Variants in TRDN observed in about 807,000 individuals in gnomAD.
The protein encoded by TRDN is triadin.
In TRDN, 161 loss-of-function variants were observed where a neutral mutation model predicts 149.7. The observed-to-expected ratio is 1.08, with a 90% confidence interval of 0.95 to 1.23. The LOEUF is 1.23. TRDN is among the 50% of genes most tolerant of loss of function. The pLI is 0.00. For synonymous variants in TRDN, 294 were observed against 250.5 expected (o/e 1.17, Z -1.64); for missense variants, 896 against 823.5 (o/e 1.09, Z -1.08).
chr6:123,361,356 A>G (rs1780893789), intron 20 of TRDN, among the ~76,000 whole-genome samples: 1 of 152,096 alleles, frequency 6.6e-6, no homozygotes, highest in South Asian at 2.1e-4. Flanking sequence ...GGAACATCAC[A>G]CACTGGGGCC....
chr6:123,582,697 G>A (rs753629812), intron 1 of TRDN, among the ~76,000 whole-genome samples: 16 of 152,122 alleles, frequency 1.1e-4, no homozygotes, highest in South Asian at 4.1e-4. Flanking sequence ...TGCAGGTCAC[G>A]GGATATGATG....
At chr6:123,526,857 T>TA (rs2114316878) in intron 5 of TRDN, among the ~76,000 whole-genome samples, 1 of 152,026 alleles carries the variant, frequency 6.6e-6, no homozygotes, top group African/African-American at 2.4e-5. Flanking sequence ...GGAATTCAGA[T>TA]AAGAAAACTG....
At chr6:123,356,524 T>TATATATATAC (rs1780688522) in intron 20 of TRDN, among the ~76,000 whole-genome samples, 1 of 77,538 alleles carries the variant, frequency 1.3e-5, no homozygotes, top group South Asian at 7.9e-4. Flanking sequence ...TATATATATA[T>TATATATATAC]ATATATATAT....
chr6:123,554,186 T>G (rs955303735), intron 2 of TRDN, among the ~76,000 whole-genome samples: 2 of 150,518 alleles, frequency 1.3e-5, no homozygotes, highest in African/African-American at 4.9e-5. Context: ...GAGGTAAAGG[T>G]TTTTTTTTAA....
intron 38 of TRDN, among the ~76,000 whole-genome samples, chr6:123,251,193 A>ATTACAG (rs753915809): frequency 2.0e-3 from 306 of 152,182 alleles, no homozygotes; most frequent in Non-Finnish European, 3.4e-3. Flanking sequence ...TCCTGAAGCA[A>ATTACAG]GTCTATGATC....
intron 24 of TRDN, among the ~76,000 whole-genome samples, chr6:123,305,860 G>A (rs757953304): frequency 3.9e-5 from 6 of 152,070 alleles, no homozygotes; most frequent in Non-Finnish European, 8.8e-5. Flanking sequence ...TGTTCAAATT[G>A]TACTGGTAAT....
chr6:123,585,293 A>AC (rs774015245), intron 1 of TRDN, among the ~76,000 whole-genome samples: 388 of 151,878 alleles, frequency 2.6e-3, no homozygotes, highest in South Asian at 6.9e-3. Context: ...GGTGGGGATA[A>AC]TTAAAAGGAG....
chr6:123,612,423 T>A (rs115762397), intron 1 of TRDN, among the ~76,000 whole-genome samples: 8,036 of 150,868 alleles, frequency 0.053, 724 homozygotes, highest in African/African-American at 0.18. Context: ...AATAAAATTT[T>A]AAAAAAAGGA....
At chr6:123,381,722 C>T (rs1005206735) in intron 15 of TRDN, among the ~76,000 whole-genome samples, 1 of 151,920 alleles carries the variant, frequency 6.6e-6, no homozygotes, top group Non-Finnish European at 1.5e-5. Context: ...GGTATACTTG[C>T]CAAATGAATT....
intron 12 of TRDN, among the ~76,000 whole-genome samples, chr6:123,425,763 A>T (rs1012270495): frequency 6.6e-6 from 1 of 152,082 alleles, no homozygotes; most frequent in Non-Finnish European, 1.5e-5. Context: ...CCGGAAGGAG[A>T]ATGTAGACAA....
intron 5 of TRDN, among the ~76,000 whole-genome samples, 199 bp from the exon 6 acceptor site, chr6:123,516,405 C>A (rs552217755): frequency 2.0e-5 from 3 of 152,094 alleles, no homozygotes; most frequent in African/African-American, 7.2e-5. Flanking sequence ...TATTTCATAT[C>A]CAAGCACAAA....
chr6:123,383,432 A>AG (rs1466692053), intron 14 of TRDN, among the ~76,000 whole-genome samples: 1 of 152,062 alleles, frequency 6.6e-6, no homozygotes, highest in Non-Finnish European at 1.5e-5. Flanking sequence ...AAATCCATAG[A>AG]GAAAAAAAGC....
chr6:123,518,877 C>T, intron 5 of TRDN, among the ~76,000 whole-genome samples: 1 of 152,290 alleles, frequency 6.6e-6, no homozygotes, highest in Non-Finnish European at 1.5e-5. Context: ...TTTGGCAAGA[C>T]TGTGCTCAAA....
At chr6:123,450,817 G>A (rs1023545968) in intron 10 of TRDN, among the ~76,000 whole-genome samples, 2 of 151,844 alleles carry the variant, frequency 1.3e-5, no homozygotes, top group African/African-American at 4.8e-5. Flanking sequence ...AATAGTGCAC[G>A]GAACTTTCTC....
intron 19 of TRDN, 106 bp from the exon 20 acceptor site, chr6:123,366,288 G>A (rs1164380966): frequency 1.9e-5 from 19 of 1,002,768 alleles, no homozygotes; most frequent in East Asian, 2.7e-5. Flanking sequence ...TGTTGCACAT[G>A]AGAGCAAAGC....
At chr6:123,423,506 T>C (rs180954808) in intron 12 of TRDN, among the ~76,000 whole-genome samples, 1 of 152,314 alleles carries the variant, frequency 6.6e-6, no homozygotes, top group Admixed American at 6.5e-5. Context: ...TTTAGTTTGT[T>C]ATCTCACTCT....
chr6:123,483,066 T>TTTATTATTATTATTATTA (rs71021451), intron 9 of TRDN, among the ~76,000 whole-genome samples: 3 of 133,372 alleles, frequency 2.2e-5, no homozygotes. Context: ...TGATTTCTCA[T>TTTATTATTATTATTATTA]TTATTATTAT....
chr6:123,401,334 T>G (rs1719225472), intron 12 of TRDN, among the ~76,000 whole-genome samples: 1 of 152,184 alleles, frequency 6.6e-6, no homozygotes, highest in Non-Finnish European at 1.5e-5. Flanking sequence ...CAAGGAAGAA[T>G]TCAGAGGCTA....
At chr6:123,428,055 G>T (rs1028484816) in intron 12 of TRDN, among the ~76,000 whole-genome samples, 13 of 152,098 alleles carry the variant, frequency 8.5e-5, no homozygotes, top group Non-Finnish European at 1.3e-4. Context: ...ATCTAGAAAT[G>T]ACTTCTTGAA....
Sources: gnomAD v4.1 joint callset for allele counts (sites outside exome capture counted in the v4.1 genomes callset) on GRCh38, gnomAD v4.1.1 for gene constraint, MANE v1.5 for transcripts, NCBI Gene and HGNC (gene_info 2026-07-23, HGNC 2026-07-21) for gene names.